RBM20: variants seen among roughly 807,000 people sequenced by gnomAD.
The protein encoded by RBM20 is RNA-binding protein 20.
In RBM20, 51 loss-of-function variants were observed where a neutral mutation model predicts 110.1. That is an observed-to-expected ratio of 0.46 (90% CI 0.37 to 0.59). The LOEUF (loss-of-function observed/expected upper bound fraction) is 0.59, where lower values mean the gene tolerates loss of function less well. Ranked by LOEUF, RBM20 falls within the 20% of genes least tolerant of loss-of-function variation. The pLI is 0.00. For synonymous variants in RBM20, 589 were observed against 618.2 expected, an observed-to-expected ratio of 0.95 and a Z score of 0.70; for missense variants, 1,512 against 1,574.9, an observed-to-expected ratio of 0.96 and a Z score of 0.68.
chr10:110,717,154 C>T (rs1008961070), intron 1 of RBM20, among the ~76,000 whole-genome samples: 1 of 152,136 alleles, frequency 6.6e-6, no homozygotes, highest in Non-Finnish European at 1.5e-5. Context: ...GAACTGTGTG[C>T]TGCCTGCTTC....
chr10:110,644,552 C>G lies in RBM20; in HGVS notation c.98C>G (p.Pro33Arg). Residue 33 changes from proline to arginine, a missense_variant, in exon 1 of 14, where the codon CCG (proline) becomes CGG (arginine). Pro to Arg is a moderately radical substitution (Grantham distance 103). This residue lies in a region of RBM20 where 1,149 missense variants were observed against 1,169.4 expected (regional missense o/e 0.98). Coordinates refer to ENST00000369519, the MANE Select transcript of RBM20 (RefSeq NM_001134363.3). The surrounding 1 kb of genome is among the most constrained non-coding windows in gnomAD (Gnocchi z 4.3). ...ACSVPGARAS[P>R]APSGPRGMQQ... ...AGTGTGCCTGGTGCCCGGGCGTCCC[C>G]GGCACCCTCCGGCCCGCGAGGGATG... The G allele has an allele frequency of 1.3e-6, 2 of 1,526,346 alleles. No homozygotes were observed. The highest frequency in any genetic ancestry group is 1.8e-6 in the Non-Finnish European group (2 of 1,140,266). 94.6% of individuals were successfully genotyped at this position (1,526,346 alleles called of 1,614,324 possible). A position where few individuals can be genotyped will look rare whatever the true frequency, so the allele number is the denominator to read the frequency against.
chr10:110,670,538 C>G (rs987142295), intron 1 of RBM20, among the ~76,000 whole-genome samples: 6 of 152,170 alleles, frequency 3.9e-5, no homozygotes, highest in African/African-American at 1.4e-4. Flanking sequence ...GGCCTGGAAT[C>G]CCTGCAGCAT....
chr10:110,781,493 G>T lies in RBM20; in HGVS notation c.884G>T (p.Gly295Val). Residue 295 changes from glycine to valine, a missense_variant, in exon 2 of 14, where the codon GGA (glycine) becomes GTA (valine). This residue lies in a region of RBM20 where 1,149 missense variants were observed against 1,169.4 expected (regional missense o/e 0.98). Coordinates refer to ENST00000369519, the MANE Select transcript of RBM20 (RefSeq NM_001134363.3). ...PNSQGSHVAS[G>V]FPAEQAGGLK... ...TCCCAAGGTTCACATGTGGCCAGCG[G>T]ATTTCCAGCTGAGCAGGCTGGGGGC... The T allele has an allele frequency of 1.3e-6, 2 of 1,551,600 alleles. No individual in the cohort carries two copies. The highest frequency in any genetic ancestry group is 1.7e-6 in the Non-Finnish European group (2 of 1,147,010).
At chr10:110,757,776 T>G (rs1455344275) in intron 1 of RBM20, among the ~76,000 whole-genome samples, 2 of 152,212 alleles carry the variant, frequency 1.3e-5, no homozygotes, top group Non-Finnish European at 2.9e-5. Flanking sequence ...ACTCTGCTAC[T>G]CCGTCAGCAC....
At chr10:110,685,758 G>T (rs1862494943) in intron 1 of RBM20, among the ~76,000 whole-genome samples, 1 of 152,202 alleles carries the variant, frequency 6.6e-6, no homozygotes, top group Admixed American at 6.5e-5. Flanking sequence ...AGGGTCGGGA[G>T]GTGGGTTCGG....
intron 1 of RBM20, among the ~76,000 whole-genome samples, chr10:110,697,897 G>GTTTCTTTTTTTT (rs373550980): frequency 6.9e-6 from 1 of 144,812 alleles, no homozygotes; most frequent in African/African-American, 2.5e-5. Flanking sequence ...CAGGGGCCTT[G>GTTTCTTTTTTTT]TTTCTTTTTT....
intron 1 of RBM20, chr10:110,756,511 A>T (rs1219755528): frequency 6.6e-6 from 1 of 152,220 alleles, no homozygotes; most frequent in Admixed American, 6.5e-5. Flanking sequence ...ACGAGGTTTG[A>T]TGTGGCTGAT....
At chr10:110,727,849 T>C (rs1343923240) in intron 1 of RBM20, among the ~76,000 whole-genome samples, 1 of 152,194 alleles carries the variant, frequency 6.6e-6, no homozygotes, top group Non-Finnish European at 1.5e-5. Flanking sequence ...CCCCTCCCTG[T>C]GTTCATGTGT....
chr10:110,684,648 C>A (rs1372713111), intron 1 of RBM20, among the ~76,000 whole-genome samples: 1 of 152,196 alleles, frequency 6.6e-6, no homozygotes, highest in Non-Finnish European at 1.5e-5. Context: ...AGGCCAGTTT[C>A]CACTCATAAT....
intron 1 of RBM20, among the ~76,000 whole-genome samples, chr10:110,728,552 T>G (rs531483152): frequency 1.3e-5 from 2 of 152,240 alleles, no homozygotes; most frequent in Non-Finnish European, 2.9e-5. Flanking sequence ...CAATTTTCTC[T>G]CTTTCTCCTT....
chr10:110,674,579 C>A (rs1462781822), intron 1 of RBM20, among the ~76,000 whole-genome samples: 2 of 152,184 alleles, frequency 1.3e-5, no homozygotes, highest in Admixed American at 6.5e-5. Flanking sequence ...CTTTGAAGCT[C>A]ACTGGATTAA....
intron 1 of RBM20, among the ~76,000 whole-genome samples, chr10:110,744,891 G>A (rs1277308915): frequency 6.6e-6 from 1 of 152,194 alleles, no homozygotes; most frequent in Admixed American, 6.5e-5. Context: ...TGGGTCAAGA[G>A]GCTTGTGTTC....
chr10:110,801,924 C>G (rs1014318087), intron 7 of RBM20, among the ~76,000 whole-genome samples: 7 of 152,042 alleles, frequency 4.6e-5, no homozygotes, highest in African/African-American at 1.7e-4. Context: ...TTGGCTGTTC[C>G]ATCTGGATCT....
At position 110,800,937 on chromosome 10, in the gene RBM20, T is replaced by C. The variant is rs186711815; in HGVS notation, c.1800+1019T>C. Among the ~76,000 whole-genome samples the C allele has an allele frequency of 2.6e-5, 4 of 152,314 alleles. No homozygotes were observed. In the East Asian group the frequency reaches 7.7e-4, roughly 29 times the overall value. On this transcript the variant is annotated intron_variant, in intron 7 of 13. Transcript: ENST00000369519. The stretch of plus-strand genomic sequence containing the variant: ...CTACTGTTGATGGACATTTGAGTTG[T>C]TTTAGGGACAAGGCTAATCTGAACC...
At chr10:110,722,352 C>T (rs964103920) in intron 1 of RBM20, among the ~76,000 whole-genome samples, 1 of 151,740 alleles carries the variant, frequency 6.6e-6, no homozygotes, top group Non-Finnish European at 1.5e-5. Flanking sequence ...TGCACAACCT[C>T]CCCCATTATC....
At chr10:110,808,072 C>T (rs1339004874) in intron 7 of RBM20, among the ~76,000 whole-genome samples, 1 of 152,250 alleles carries the variant, frequency 6.6e-6, no homozygotes, top group African/African-American at 2.4e-5. Flanking sequence ...GCCATCCCAG[C>T]TGGCTTTCCC....
rs140274872 is a variant in RBM20, at chr10:110,750,565, T to C, written c.192-30236T>C. Among the ~76,000 whole-genome samples, 951 of 152,342 alleles carry C rather than the reference T, an allele frequency of 6.2e-3. 4 individuals carry two copies. The highest frequency in any genetic ancestry group is 9.9e-3 in the Non-Finnish European group (671 of 68,022). On this transcript the variant is annotated intron_variant, in intron 1 of 13. Coordinates refer to ENST00000369519, the MANE Select transcript of RBM20 (RefSeq NM_001134363.3). ...TCCAAGCATGGGGAAATTGTTTTCA[T>C]TGCATTCAATTCTTACTTACCCGAC... is the stretch of plus-strand genomic sequence containing the variant.
rs1338701346 is a variant in RBM20, at chr10:110,823,893, A to ATT, written c.3451+292_3451+293dup. The stretch of plus-strand genomic sequence containing the variant: ...CCACCAGGCCCGGCTAATTTTTTTA[A>ATT]TTTTTTTTTTTTTTGCAGAGATGGG... On this transcript the variant is annotated intron_variant, in intron 12 of 13. Transcript: ENST00000369519. 5.0e-3 allele frequency among the ~76,000 whole-genome samples: 696 copies of ATT among 138,794 alleles called. 4 individuals carry two copies. The highest frequency in any genetic ancestry group is 0.017 in the African/African-American group (628 of 37,984). The allele number at this position is 138,794 out of a possible 152,430, so 91.1% of individuals were successfully genotyped here. A position where few individuals can be genotyped will look rare whatever the true frequency, so the allele number is the denominator to read the frequency against.
chr10:110,728,321 G>A (rs549059531), intron 1 of RBM20, among the ~76,000 whole-genome samples: 44 of 152,226 alleles, frequency 2.9e-4, no homozygotes, highest in Admixed American at 5.2e-4. Context: ...CATAAATCAC[G>A]TTATTAGACT....
Sources: gnomAD v4.1 joint callset for allele counts (sites outside exome capture counted in the v4.1 genomes callset) on GRCh38, gnomAD v4.1.1 for gene constraint, gnomAD v4.1.1 regional missense constraint, Gnocchi (gnomAD v3.1) non-coding constraint, MANE v1.5 for transcripts, NCBI Gene and HGNC (gene_info 2026-07-23, HGNC 2026-07-21) for gene names.